ORC6: variants seen among roughly 807,000 people sequenced by gnomAD.
ORC6 encodes the protein origin recognition complex, subunit 6 homolog-like (yeast).
A neutral mutation model predicts 30.0 loss-of-function variants in ORC6; 31 were observed. That is an observed-to-expected ratio of 1.03 (90% CI 0.78 to 1.40). ORC6 has a LOEUF of 1.40. Ranked by LOEUF, ORC6 falls within the 40% of genes most tolerant of loss-of-function variation. The pLI is 0.00. For missense variants in ORC6, 340 were observed against 304.3 expected (o/e 1.12, Z -0.87); for synonymous variants, 136 against 111.2 (o/e 1.22, Z -1.40).
intron 4 of ORC6, chr16:46,693,403 G>GTATA: frequency 1.7e-6 from 1 of 585,276 alleles, no homozygotes; most frequent in Non-Finnish European, 3.0e-6. Context: ...AATAGCAGCT[G>GTATA]TATATATATG....
In ORC6 at chr16:46,698,183, G is replaced by GGATAGATAGATAGATAGATA. The variant is rs60635029; in HGVS notation, c.*611_*630dup. 11,717 of 430,240 alleles carry GGATAGATAGATAGATAGATA rather than the reference G, an allele frequency of 0.027. 228 individuals carry two copies. Among genetic ancestry groups the GGATAGATAGATAGATAGATA allele is most frequent in the African/African-American group, 0.058 (2,763 of 47,738 alleles). The allele number at this position is 430,240 out of a possible 1,614,324, so 26.7% of individuals were successfully genotyped here. A position where few individuals can be genotyped will look rare whatever the true frequency, so the allele number is the denominator to read the frequency against. ...CTTATAGATAGATAGATAGATAGAT[G>GGATAGATAGATAGATAGATA]GATAGATAGATAGATAGATAGATAG... On this transcript the variant is annotated 3_prime_UTR_variant, in exon 7 of 7. Transcript: ENST00000219097.
At position 46,692,420 on chromosome 16, in the gene ORC6, A is replaced by G. The variant is rs1567273834; in HGVS notation, c.234A>G (p.Thr78=). 1.9e-6 allele frequency: 3 copies of G among 1,613,844 alleles called. No homozygotes were observed. The highest frequency in any genetic ancestry group is 2.2e-5 in the East Asian group (1 of 44,882). Residue 78 remains threonine (T), a synonymous_variant, in exon 3 of 7, where the codon ACA becomes ACG. Transcript: ENST00000219097. ...AACTTTCTGGTTTGAACAAGGAGAC[A>G]TATCAGAGCTGTCTTAAATCTTTTG... ...LIKLSGLNKE[T]YQSCLKSFEC...
intron 1 of ORC6, 162 bp downstream of exon 1, chr16:46,689,932 G>A (rs1966410807): frequency 2.8e-6 from 3 of 1,084,992 alleles, no homozygotes; most frequent in Admixed American, 3.1e-5. Flanking sequence ...CTTCTCGGCC[G>A]TGAGCTTGAA....
intron 1 of ORC6, 35 bp from the exon 2 acceptor site, chr16:46,690,956 A>G (rs746506802): frequency 2.5e-6 from 4 of 1,613,640 alleles, no homozygotes; most frequent in South Asian, 2.2e-5. Flanking sequence ...AAACTTCTGA[A>G]TAAGTTGTAG....
At chr16:46,695,373 A>C in intron 4 of ORC6, 189 bp from the exon 5 acceptor site, 1 of 594,314 alleles carries the variant, frequency 1.7e-6, no homozygotes, top group East Asian at 2.9e-5. Flanking sequence ...TCCCATGTGC[A>C]TTTTAACTCT....
At position 46,689,717 on chromosome 16, in the gene ORC6, G is replaced by C; in HGVS notation, c.12G>C (p.Glu4Asp). The change falls in exon 1 of 7, where the codon GAG becomes GAC. Residue 4 changes from glutamate (E) to aspartate (D), a missense_variant. By Grantham distance (45) the Glu-to-Asp change is conservative. Transcript: ENST00000219097. ...TTAGTGCCGGCGCCATGGGGTCGGA[G>C]CTGATCGGGCGCCTAGCCCCGCGCC... is the stretch of plus-strand genomic sequence containing the variant. MGS[E>D]LIGRLAPRLG... is the part of the protein sequence containing the mutation. The C allele has an allele frequency of 6.2e-7, 1 of 1,601,896 alleles. No homozygotes were observed. The highest frequency in any genetic ancestry group is 8.5e-7 in the Non-Finnish European group (1 of 1,174,436).
At chr16:46,696,569 C>A (rs191010497) in intron 6 of ORC6, among the ~76,000 whole-genome samples, 1 of 152,332 alleles carries the variant, frequency 6.6e-6, no homozygotes, top group Admixed American at 6.5e-5. Context: ...AAGACAATCT[C>A]AGGCAAATGG....
chr16:46,695,978 G>A (rs767995330), intron 5 of ORC6, 39 bp from the exon 6 acceptor site: 5 of 1,451,012 alleles, frequency 3.4e-6, no homozygotes, highest in South Asian at 2.3e-5. Context: ...CTGAAATTGA[G>A]AACAGGAGAA....
chr16:46,693,063 C>G, intron 3 of ORC6, 30 bp from the exon 4 acceptor site: 1 of 1,376,926 alleles, frequency 7.3e-7, no homozygotes, highest in Non-Finnish European at 1.0e-6. Context: ...TATTTTCTAA[C>G]AGATAATTCT....
Position 46,693,132 on chromosome 16 carries a change from T to C in ORC6, c.399T>C (p.Leu133=). Residue 133 remains leucine, a synonymous_variant, in exon 4 of 7, where the codon CTT becomes CTC. Transcript: ENST00000219097. ...TTCCCCAGACACAGCAAGTGGATCT[T>C]GACTTATCCAGGCCACTTTTCACTT... ...SSLPQTQQVD[L]DLSRPLFTSA... 1 of 1,613,326 alleles carries C rather than the reference T, an allele frequency of 6.2e-7. No individual in the cohort carries two copies. The highest frequency in any genetic ancestry group is 8.5e-7 in the Non-Finnish European group (1 of 1,179,272).
At chr16:46,692,688 T>C (rs1596734427) in intron 3 of ORC6, 143 bp downstream of exon 3, 1 of 696,248 alleles carries the variant, frequency 1.4e-6, no homozygotes, top group African/African-American at 1.8e-5. Context: ...GCCAACATGG[T>C]GAAACCCCAT....
Position 46,695,637 on chromosome 16 carries a change from G to A in ORC6, c.525G>A (p.Leu175=), listed in dbSNP as rs11552466. The part of the protein sequence containing the change: ...SGVKKAIFDR[L]CKQLEKIGQQ... ...TAAAAAAAGCTATATTTGATCGACT[G>A]TGTAAACAACTAGAGAAGATTGGAC... Residue 175 remains leucine (L), a synonymous_variant, in exon 5 of 7, where the codon CTG becomes CTA. Transcript: ENST00000219097. 5 of 1,613,136 alleles carry A rather than the reference G, an allele frequency of 3.1e-6. No homozygotes were observed. In the East Asian group the frequency reaches 8.9e-5, roughly 29 times the overall value.
chr16:46,690,548 C>A (rs1276783376), intron 1 of ORC6, among the ~76,000 whole-genome samples: 1 of 152,186 alleles, frequency 6.6e-6, no homozygotes, highest in South Asian at 2.1e-4. Context: ...AATACAAATT[C>A]TTGGGTCCCA....
chr16:46,689,796 G>A, intron 1 of ORC6, 26 bp downstream of exon 1: 3 of 1,570,628 alleles, frequency 1.9e-6, no homozygotes, highest in East Asian at 2.3e-5. Flanking sequence ...CAAGACCAGG[G>A]CTGGGCTTCC....
Position 46,693,009 on chromosome 16 carries a change from AGCTT to A in ORC6, c.360-82_360-79del, listed in dbSNP as rs745875708. ...TGACAGCACACATATCCATTTTAAA[AGCTT>A]GTAAGTTCTGGTTGATACTTTCAGT... On this transcript the variant is annotated intron_variant, in intron 3 of 6. Coordinates refer to ENST00000219097, the MANE Select transcript of ORC6 (RefSeq NM_014321.4). 3.0e-4 allele frequency: 281 copies of A among 934,522 alleles called. 1 individual carries two copies. The highest frequency in any genetic ancestry group is 5.3e-4 in the Admixed American group (31 of 58,670). The allele number at this position is 934,522 out of a possible 1,614,324, so 57.9% of individuals were successfully genotyped here. A position where few individuals can be genotyped will look rare whatever the true frequency, so the allele number is the denominator to read the frequency against.
intron 3 of ORC6, among the ~76,000 whole-genome samples, chr16:46,692,784 C>T (rs1482277650): frequency 1.3e-5 from 2 of 152,152 alleles, no homozygotes; most frequent in East Asian, 3.9e-4. Context: ...AGGAGAATTG[C>T]TTGAACCCAG....
intron 4 of ORC6, among the ~76,000 whole-genome samples, chr16:46,694,784 C>T (rs1265016614): frequency 6.6e-6 from 1 of 151,972 alleles, no homozygotes; most frequent in East Asian, 1.9e-4. Context: ...TGAAATGTTA[C>T]CTTGGAAATA....
chr16:46,691,275 T>C (rs1966434683), intron 2 of ORC6, among the ~76,000 whole-genome samples, 155 bp downstream of exon 2: 1 of 152,262 alleles, frequency 6.6e-6, no homozygotes, highest in Admixed American at 6.5e-5. Context: ...TCATTTTGCA[T>C]TGGAAAATAT....
Position 46,695,564 on chromosome 16 carries a change from T to C in ORC6, c.452T>C (p.Ile151Thr), listed in dbSNP as rs1451188568. 2 of 1,602,240 alleles carry C rather than the reference T, an allele frequency of 1.2e-6. No individual in the cohort carries two copies. Among genetic ancestry groups the C allele is most frequent in the South Asian group, 1.1e-5 (1 of 90,826 alleles). ...TSAALLSACKILKLKVDKNKM... is the reference protein window; with the variant it reads ...TSAALLSACKTLKLKVDKNKM... ...CAACTTATGAAATTGTTTTGTAGGA[T>C]TCTAAAGCTGAAAGTGGATAAAAAC... The change falls in exon 5 of 7, where the codon ATT becomes ACT. Residue 151 changes from isoleucine to threonine, a missense_variant and splice_region_variant. Coordinates refer to ENST00000219097, the MANE Select transcript of ORC6 (RefSeq NM_014321.4).
Sources: gnomAD v4.1 joint callset for allele counts (sites outside exome capture counted in the v4.1 genomes callset) on GRCh38, gnomAD v4.1.1 for gene constraint, MANE v1.5 for transcripts, NCBI Gene and HGNC (gene_info 2026-07-23, HGNC 2026-07-21) for gene names.